AREL1: variants seen among roughly 807,000 people sequenced by gnomAD.
The protein encoded by AREL1 is apoptosis-resistant E3 ubiquitin protein ligase 1.
A neutral mutation model predicts 99.0 loss-of-function variants in AREL1; 62 were observed. That is an observed-to-expected ratio of 0.63 (90% CI 0.51 to 0.77). The LOEUF (loss-of-function observed/expected upper bound fraction) is 0.77. AREL1 is among the 30% of genes least tolerant of loss of function. The pLI, the probability that AREL1 is intolerant of heterozygous loss-of-function variation, is 0.00. For missense variants in AREL1, 879 were observed against 1,027.6 expected (o/e 0.86, Z 1.98); for synonymous variants, 380 against 376.5 (o/e 1.01, Z -0.11).
intron 5 of AREL1, among the ~76,000 whole-genome samples, chr14:74,678,496 C>CAA (rs112834498): frequency 3.8e-4 from 30 of 78,264 alleles, no homozygotes; most frequent in Admixed American, 9.0e-4. Context: ...GACCCTGCCT[C>CAA]AAAAAAAAAA....
intron 5 of AREL1, among the ~76,000 whole-genome samples, chr14:74,682,473 C>T (rs1428102053): frequency 3.3e-5 from 5 of 152,128 alleles, no homozygotes; most frequent in East Asian, 1.9e-4. Context: ...AGAAACAATT[C>T]GACCACCAAC....
intron 2 of AREL1, among the ~76,000 whole-genome samples, chr14:74,690,040 G>A (rs1312654352): frequency 3.3e-5 from 5 of 151,790 alleles, no homozygotes; most frequent in Non-Finnish European, 7.4e-5. Flanking sequence ...TTGAGCTCAG[G>A]AGTTTGAGAC....
chr14:74,688,732 C>T (rs1342026626), intron 2 of AREL1, among the ~76,000 whole-genome samples: 1 of 152,192 alleles, frequency 6.6e-6, no homozygotes, highest in African/African-American at 2.4e-5. Flanking sequence ...TACTGACCTC[C>T]CAGTTTCACC....
At chr14:74,704,894 A>G (rs771832759) in intron 1 of AREL1, among the ~76,000 whole-genome samples, 4 of 152,200 alleles carry the variant, frequency 2.6e-5, no homozygotes, top group Non-Finnish European at 5.9e-5. Flanking sequence ...GTTTCACAAG[A>G]GAAAATCCTC....
intron 1 of AREL1, among the ~76,000 whole-genome samples, chr14:74,704,329 T>C (rs2090137965): frequency 6.6e-6 from 1 of 152,186 alleles, no homozygotes; most frequent in Non-Finnish European, 1.5e-5. Flanking sequence ...TGACGACATG[T>C]GCCCAAGGTG....
chr14:74,669,715 A>G lies in AREL1; in HGVS notation c.1848T>C (p.Asn616=). The part of the protein sequence containing the change: ...YKSKVCFILN[N]DMSEMELVFA... ...AGACCAGCTCCATCTCACTCATGTC[A>G]TTGTTGAGGATAAAACAAACTTTAG... The change falls in exon 15 of 20, where the codon AAT becomes AAC. Residue 616 remains asparagine (N), a synonymous_variant. Coordinates refer to ENST00000356357, the MANE Select transcript of AREL1 (RefSeq NM_001039479.2). 6.2e-7 allele frequency: 1 copy of G among 1,614,170 alleles called. No homozygotes were observed. Among genetic ancestry groups the G allele is most frequent in the Non-Finnish European group, 8.5e-7 (1 of 1,180,008 alleles).
In AREL1 at chr14:74,663,492, G is replaced by A; in HGVS notation, c.*228C>T. 1.8e-6 allele frequency: 1 copy of A among 556,308 alleles called. No individual in the cohort carries two copies. The highest frequency in any genetic ancestry group is 2.0e-5 in the South Asian group (1 of 50,698). 34.5% of individuals were successfully genotyped at this position (556,308 alleles called of 1,614,324 possible). A position where few individuals can be genotyped will look rare whatever the true frequency, so the allele number is the denominator to read the frequency against. ...CATGGTCCTCTTCTCATGACAGAAT[G>A]AAGAGCTCAGCTTACATACCATGCC... On this transcript the variant is annotated 3_prime_UTR_variant, in exon 20 of 20. Transcript: ENST00000356357.
chr14:74,691,324 TAA>T (rs11407786), intron 2 of AREL1, among the ~76,000 whole-genome samples: 7 of 72,798 alleles, frequency 9.6e-5, no homozygotes, highest in Admixed American at 2.0e-4. Flanking sequence ...TGTCTCCATT[TAA>T]AAAAAAAAAA....
At position 74,662,466 on chromosome 14, in the gene AREL1, A is replaced by G; in HGVS notation, c.*1254T>C. On this transcript the variant is annotated 3_prime_UTR_variant, in exon 20 of 20. Coordinates refer to ENST00000356357, the MANE Select transcript of AREL1 (RefSeq NM_001039479.2). ...ATTTTGAATCTTGAAATTATTTTCAATCAAACAGTAATGAAAAAGGATGTT... is the reference window on the plus strand; with the variant it reads ...ATTTTGAATCTTGAAATTATTTTCAGTCAAACAGTAATGAAAAAGGATGTT... 2.5e-6 allele frequency: 1 copy of G among 398,564 alleles called. No individual in the cohort carries two copies. The highest frequency in any genetic ancestry group is 4.4e-6 in the Non-Finnish European group (1 of 225,862). 24.7% of individuals were successfully genotyped at this position (398,564 alleles called of 1,614,324 possible).
intron 15 of AREL1, 40 bp downstream of exon 15, chr14:74,669,609 T>A (rs1486088561): frequency 6.2e-7 from 1 of 1,602,688 alleles, no homozygotes; most frequent in African/African-American, 1.3e-5. Context: ...TACAGGAAAC[T>A]GGAGAACATA....
chr14:74,664,255 T>C (rs1383444084), intron 18 of AREL1, among the ~76,000 whole-genome samples, 181 bp from the exon 19 acceptor site: 1 of 152,124 alleles, frequency 6.6e-6, no homozygotes, highest in Non-Finnish European at 1.5e-5. Context: ...ATTAGGAGGG[T>C]AGTCACTGAC....
At chr14:74,683,795 T>C (rs1189281939) in intron 4 of AREL1, among the ~76,000 whole-genome samples, 1 of 152,130 alleles carries the variant, frequency 6.6e-6, no homozygotes, top group Non-Finnish European at 1.5e-5. Flanking sequence ...ATCAAGAAAA[T>C]GTCCATTTTA....
intron 5 of AREL1, among the ~76,000 whole-genome samples, chr14:74,678,771 T>TAC: frequency 6.8e-6 from 1 of 146,436 alleles, no homozygotes; most frequent in East Asian, 2.0e-4. Flanking sequence ...TGACCCTAAA[T>TAC]ACACATTTTC....
intron 1 of AREL1, among the ~76,000 whole-genome samples, chr14:74,693,608 T>C (rs1214167664): frequency 6.6e-6 from 1 of 152,160 alleles, no homozygotes; most frequent in Non-Finnish European, 1.5e-5. Context: ...ACAGATACAA[T>C]TATCCCTATT....
intron 2 of AREL1, among the ~76,000 whole-genome samples, chr14:74,685,895 C>T (rs940470100): frequency 6.6e-6 from 1 of 152,254 alleles, no homozygotes; most frequent in South Asian, 2.1e-4. Flanking sequence ...AGGAATACCA[C>T]AAACAGCCAC....
intron 1 of AREL1, among the ~76,000 whole-genome samples, chr14:74,712,472 A>T (rs1267197141): frequency 6.6e-6 from 1 of 152,196 alleles, no homozygotes. Context: ...GAAAAAAGCT[A>T]CCTTTCGCTC....
chr14:74,701,606 G>A (rs1330367415), intron 1 of AREL1: 4 of 152,122 alleles, frequency 2.6e-5, no homozygotes, highest in Non-Finnish European at 5.9e-5. Flanking sequence ...GATGAGATTT[G>A]GATGGGGACA....
chr14:74,696,831 G>T (rs1291184421), intron 1 of AREL1, among the ~76,000 whole-genome samples: 1 of 152,080 alleles, frequency 6.6e-6, no homozygotes, highest in Non-Finnish European at 1.5e-5. Flanking sequence ...ACGCATGGTG[G>T]CACACACCTG....
intron 11 of AREL1, among the ~76,000 whole-genome samples, 164 bp downstream of exon 11, chr14:74,672,667 C>T (rs368409592): frequency 2.0e-5 from 3 of 152,206 alleles, no homozygotes; most frequent in South Asian, 2.1e-4. Flanking sequence ...CCGGGAAGAT[C>T]GAGGCTGCAG....
Sources: allele counts gnomAD v4.1 joint callset (sites outside exome capture counted in the v4.1 genomes callset), GRCh38; gene constraint gnomAD v4.1.1; transcripts MANE v1.5; gene names NCBI Gene and HGNC (gene_info 2026-07-23, HGNC 2026-07-21).